Variants in VEPH1 observed in about 807,000 individuals in gnomAD.
The protein encoded by VEPH1 is ventricular zone expressed PH domain containing 1, also known as ventricular zone-expressed PH domain-containing protein homolog 1.
Under a neutral mutation model 85.2 loss-of-function variants are expected in VEPH1, and 80 were observed. The observed-to-expected ratio is 0.94, with a 90% CI of 0.78 to 1.13. The LOEUF is 1.13. Ranked by LOEUF, VEPH1 falls within the 50% of genes most tolerant of loss-of-function variation. The pLI, the probability that VEPH1 is intolerant of heterozygous loss-of-function variation, is 0.00. For synonymous variants in VEPH1, 297 were observed against 348.0 expected (o/e 0.85, Z 1.63); for missense variants, 955 against 980.5 (o/e 0.97, Z 0.35).
chr3:157,314,347 A>T (rs1321922588), intron 10 of VEPH1, among the ~76,000 whole-genome samples: 9 of 116,920 alleles, frequency 7.7e-5, no homozygotes, highest in African/African-American at 2.9e-4. Flanking sequence ...AAAAAAAAAA[A>T]AAAAAAAAAA....
chr3:157,387,348 A>G (rs963548295), intron 6 of VEPH1, among the ~76,000 whole-genome samples: 2 of 152,190 alleles, frequency 1.3e-5, no homozygotes, highest in African/African-American at 4.8e-5. Context: ...CATCCACTGT[A>G]TGTCTGGTAC....
At chr3:157,312,228 A>C (rs1256401906) in intron 11 of VEPH1, among the ~76,000 whole-genome samples, 1 of 152,250 alleles carries the variant, frequency 6.6e-6, no homozygotes, top group African/African-American at 2.4e-5. Flanking sequence ...CTCAGTAAGC[A>C]TCCAATACTT....
intron 9 of VEPH1, among the ~76,000 whole-genome samples, chr3:157,333,857 T>C (rs1023892488): frequency 5.9e-5 from 9 of 152,244 alleles, no homozygotes; most frequent in East Asian, 1.9e-4. Flanking sequence ...CATTTTTTTT[T>C]CCCCAGAGGA....
At chr3:157,354,898 G>A (rs1053463409) in intron 9 of VEPH1, among the ~76,000 whole-genome samples, 2 of 152,110 alleles carry the variant, frequency 1.3e-5, no homozygotes, top group African/African-American at 4.8e-5. Context: ...CACATTGCAG[G>A]TAGGGAGATA....
chr3:157,368,488 T>G (rs1726990112), intron 7 of VEPH1, among the ~76,000 whole-genome samples: 1 of 150,942 alleles, frequency 6.6e-6, no homozygotes, highest in Admixed American at 6.6e-5. Flanking sequence ...TTTTTGTTTG[T>G]TTGTTTGTTT....
At chr3:157,436,974 C>T in intron 4 of VEPH1, 5 of 1,614,024 alleles carry the variant, frequency 3.1e-6, no homozygotes, top group Non-Finnish European at 4.2e-6. Context: ...CTCTGGTCTG[C>T]AGTGTTGGCC....
At chr3:157,312,424 C>T (rs901518570) in intron 11 of VEPH1, among the ~76,000 whole-genome samples, 2 of 152,180 alleles carry the variant, frequency 1.3e-5, no homozygotes, top group African/African-American at 2.4e-5. Context: ...TTGTGACTCC[C>T]AAATCCATAT....
chr3:157,362,598 A>G (rs1726174199), intron 9 of VEPH1, among the ~76,000 whole-genome samples: 1 of 152,298 alleles, frequency 6.6e-6, no homozygotes, highest in Middle Eastern at 3.4e-3. Flanking sequence ...AGTAGAAACC[A>G]TACTTTGAGT....
chr3:157,482,806 T>C (rs1321292563), intron 2 of VEPH1, among the ~76,000 whole-genome samples: 2 of 152,182 alleles, frequency 1.3e-5, no homozygotes, highest in African/African-American at 4.8e-5. Flanking sequence ...TTACTAGGTA[T>C]AGAAATGATA....
chr3:157,464,763 A>G (rs1340951405), intron 3 of VEPH1, among the ~76,000 whole-genome samples: 1 of 152,244 alleles, frequency 6.6e-6, no homozygotes, highest in Admixed American at 6.5e-5. Flanking sequence ...AGTAGGAAAG[A>G]TATCTATCTG....
intron 4 of VEPH1, among the ~76,000 whole-genome samples, chr3:157,447,827 A>T (rs1415262186): frequency 2.0e-5 from 3 of 151,940 alleles, no homozygotes; most frequent in Non-Finnish European, 4.4e-5. Context: ...ACTCCTGACA[A>T]CAAGTGATCT....
chr3:157,464,927 T>C (rs1736224672), intron 3 of VEPH1, among the ~76,000 whole-genome samples: 1 of 152,198 alleles, frequency 6.6e-6, no homozygotes, highest in Non-Finnish European at 1.5e-5. Flanking sequence ...GCTAAACCAA[T>C]TTTGGATTTA....
At position 157,470,436 on chromosome 3, in the gene VEPH1, G is replaced by T. The variant is rs765865276; in HGVS notation, c.232C>A (p.His78Asn). 6.2e-7 allele frequency: 1 copy of T among 1,614,158 alleles called. No individual in the cohort carries two copies. The highest frequency in any genetic ancestry group is 8.5e-7 in the Non-Finnish European group (1 of 1,180,030). ...AIRETESIEKHAKALVGLWDS... is the reference protein window; with the variant it reads ...AIRETESIEKNAKALVGLWDS... ...CAGAGCCCCACAAGGGCCTTTGCAT[G>T]CTTTTCAATGGACTCGGTCTCTCTG... is the stretch of plus-strand genomic sequence containing the variant. Residue 78 changes from histidine (H) to asparagine (N), a missense_variant, in exon 3 of 14, where the codon CAT (histidine) becomes AAT (asparagine). Physicochemically the swap from His to Asn is moderately conservative, Grantham distance 68. Transcript: ENST00000362010.
At chr3:157,388,184 A>G (rs1331874403) in intron 6 of VEPH1, among the ~76,000 whole-genome samples, 1 of 152,150 alleles carries the variant, frequency 6.6e-6, no homozygotes, top group African/African-American at 2.4e-5. Context: ...GTTTTTTGTT[A>G]ATGTTCTCTC....
At chr3:157,433,988 C>G (rs565448386) in intron 4 of VEPH1, among the ~76,000 whole-genome samples, 1 of 152,196 alleles carries the variant, frequency 6.6e-6, no homozygotes, top group Admixed American at 6.5e-5. Flanking sequence ...AAATCTCCCT[C>G]CATGATTATG....
At chr3:157,502,897 C>A (rs369784592) in intron 1 of VEPH1, among the ~76,000 whole-genome samples, 19 of 152,274 alleles carry the variant, frequency 1.2e-4, no homozygotes, top group African/African-American at 4.3e-4. Context: ...GTAGGCAGAG[C>A]CAGTTTCTTT....
At chr3:157,365,428 A>G (rs913729513) in intron 7 of VEPH1, among the ~76,000 whole-genome samples, 1 of 152,146 alleles carries the variant, frequency 6.6e-6, no homozygotes, top group Non-Finnish European at 1.5e-5. Context: ...TTGACACCCA[A>G]TATGTGGGTT....
chr3:157,339,348 T>C (rs1723279518), intron 9 of VEPH1, among the ~76,000 whole-genome samples: 1 of 152,180 alleles, frequency 6.6e-6, no homozygotes, highest in Non-Finnish European at 1.5e-5. Flanking sequence ...AAGCAGTGAC[T>C]TATGACATGG....
chr3:157,399,285 T>C (rs1260742312), intron 6 of VEPH1, among the ~76,000 whole-genome samples: 2 of 152,204 alleles, frequency 1.3e-5, no homozygotes, highest in African/African-American at 4.8e-5. Flanking sequence ...TTTTGGTAAC[T>C]TGCAAAAAAC....
Sources: allele counts gnomAD v4.1 joint callset (sites outside exome capture counted in the v4.1 genomes callset), GRCh38; gene constraint gnomAD v4.1.1; transcripts MANE v1.5; gene names NCBI Gene and HGNC (gene_info 2026-07-23, HGNC 2026-07-21).